Variants in CDH11 observed in about 807,000 individuals in gnomAD.
The protein encoded by CDH11 is cadherin-11.
A neutral mutation model predicts 67.8 loss-of-function variants in CDH11; 11 were observed. The ratio of observed to expected loss-of-function variants is 0.16; its 90% CI spans 0.10 to 0.27. The LOEUF is 0.27. Ranked by LOEUF, CDH11 falls within the 10% of genes least tolerant of loss-of-function variation. The pLI is 1.00. For synonymous variants in CDH11, 419 were observed against 400.0 expected, an observed-to-expected ratio of 1.05 and a Z score of -0.57; for missense variants, 847 against 1,031.2, an observed-to-expected ratio of 0.82 and a Z score of 2.45.
intron 2 of CDH11, among the ~76,000 whole-genome samples, chr16:65,026,174 C>T (rs1364880819): frequency 6.6e-6 from 1 of 152,092 alleles, no homozygotes; most frequent in Non-Finnish European, 1.5e-5. Context: ...ACTGAGTTAC[C>T]ATCTACTAAT....
At chr16:64,962,139 A>C in intron 11 of CDH11, among the ~76,000 whole-genome samples, 1 of 152,150 alleles carries the variant, frequency 6.6e-6, no homozygotes, top group Non-Finnish European at 1.5e-5. Context: ...GCTCTAGAAA[A>C]CCCAGGAAAA....
chr16:65,068,540 C>T (rs149201184), intron 1 of CDH11, among the ~76,000 whole-genome samples: 252 of 151,574 alleles, frequency 1.7e-3, no homozygotes, highest in African/African-American at 5.4e-3. Flanking sequence ...ATGATGCAAA[C>T]ACAGTTAATG....
intron 2 of CDH11, among the ~76,000 whole-genome samples, chr16:65,036,248 G>A (rs2073752053): frequency 6.6e-6 from 1 of 152,104 alleles, no homozygotes; most frequent in Admixed American, 6.5e-5. Flanking sequence ...CTTTAAGGTG[G>A]ACTGCATGAT....
chr16:65,116,778 G>A (rs781429576), intron 1 of CDH11, among the ~76,000 whole-genome samples: 3 of 152,006 alleles, frequency 2.0e-5, no homozygotes, highest in African/African-American at 7.2e-5. Flanking sequence ...AGAGAGGTAC[G>A]AAGATCAGAA....
chr16:65,051,020 T>C (rs568018653), intron 2 of CDH11, among the ~76,000 whole-genome samples: 1 of 152,252 alleles, frequency 6.6e-6, no homozygotes, highest in Admixed American at 6.5e-5. Flanking sequence ...CACAGACATA[T>C]CCACAGGAGG....
At chr16:65,055,392 T>G (rs1391639857) in intron 1 of CDH11, among the ~76,000 whole-genome samples, 1 of 152,206 alleles carries the variant, frequency 6.6e-6, no homozygotes, top group East Asian at 1.9e-4. Flanking sequence ...AAAATTACTC[T>G]TGAGCCTTAA....
At chr16:64,973,113 G>A (rs1267451854) in intron 8 of CDH11, 73 bp from the exon 9 acceptor site, 25 of 1,389,394 alleles carry the variant, frequency 1.8e-5, no homozygotes, top group Non-Finnish European at 2.5e-5. Context: ...TTTTCTCCAT[G>A]CTATATTTAA....
intron 2 of CDH11, among the ~76,000 whole-genome samples, chr16:65,008,049 CT>C (rs1282459790): frequency 6.6e-6 from 1 of 152,196 alleles, no homozygotes; most frequent in Non-Finnish European, 1.5e-5. Flanking sequence ...ATAAATTATT[CT>C]TGCATATAAG....
At chr16:64,978,016 C>T (rs768069369) in intron 8 of CDH11, among the ~76,000 whole-genome samples, 11 of 152,094 alleles carry the variant, frequency 7.2e-5, no homozygotes, top group African/African-American at 1.2e-4. Flanking sequence ...TTCCATTGTC[C>T]GTGTAATTTC....
At chr16:65,008,477 T>C (rs1484252346) in intron 2 of CDH11, among the ~76,000 whole-genome samples, 6 of 152,248 alleles carry the variant, frequency 3.9e-5, no homozygotes, top group African/African-American at 1.4e-4. Flanking sequence ...TGAAAATTTA[T>C]GTAGCAAGTT....
intron 1 of CDH11, among the ~76,000 whole-genome samples, chr16:65,109,743 G>A (rs929024402): frequency 1.3e-5 from 2 of 152,110 alleles, no homozygotes; most frequent in African/African-American, 4.8e-5. Context: ...CCATCCACAT[G>A]CCAAGCTATT....
chr16:65,034,078 A>G (rs772460245), intron 2 of CDH11, among the ~76,000 whole-genome samples: 4 of 152,206 alleles, frequency 2.6e-5, no homozygotes, highest in Admixed American at 6.5e-5. Flanking sequence ...TAAATCTGAC[A>G]TTATTTGGAA....
At chr16:65,109,753 T>G (rs2075125395) in intron 1 of CDH11, among the ~76,000 whole-genome samples, 1 of 152,230 alleles carries the variant, frequency 6.6e-6, no homozygotes, top group Non-Finnish European at 1.5e-5. Context: ...GCCAAGCTAT[T>G]ATGCTGCCTG....
chr16:65,013,535 G>A lies in CDH11; in HGVS notation c.-172-8494C>T, dbSNP rs534878725. On this transcript the variant is annotated intron_variant, in intron 2 of 12. Coordinates refer to ENST00000268603, the MANE Select transcript of CDH11 (RefSeq NM_001797.4). Reference sequence around the variant, plus strand: ...CTCCACACTGCCCTGTTAAAAATGGGAAAAACCCAGCCGGGCGCAGTGGCT... The same window carrying A: ...CTCCACACTGCCCTGTTAAAAATGGAAAAAACCCAGCCGGGCGCAGTGGCT... Among the ~76,000 whole-genome samples the A allele has an allele frequency of 2.0e-5, 3 of 152,162 alleles. No homozygotes were observed. In the South Asian group the frequency reaches 6.2e-4, roughly 32 times the overall value.
In CDH11 at chr16:65,015,750, A is replaced by G. The variant is rs79408061; in HGVS notation, c.-172-10709T>C. 2.4e-3 allele frequency among the ~76,000 whole-genome samples: 360 copies of G among 152,288 alleles called. 1 individual carries two copies. The highest frequency in any genetic ancestry group is 8.3e-3 in the African/African-American group (345 of 41,556). ...CCCTGGAATCTAATGTCCTGCAGAG[A>G]ACCACTCCCCATAGTCTGTTTTGTA... is the stretch of plus-strand genomic sequence containing the variant. On this transcript the variant is annotated intron_variant, in intron 2 of 12. Coordinates refer to ENST00000268603, the MANE Select transcript of CDH11 (RefSeq NM_001797.4).
intron 8 of CDH11, among the ~76,000 whole-genome samples, chr16:64,976,544 T>C (rs993401467): frequency 6.6e-6 from 1 of 152,122 alleles, no homozygotes; most frequent in Non-Finnish European, 1.5e-5. Flanking sequence ...GAAGGGAAGA[T>C]AAAAGACCCA....
intron 1 of CDH11, among the ~76,000 whole-genome samples, chr16:65,081,638 T>C (rs372219034): frequency 1.1e-3 from 160 of 152,070 alleles, no homozygotes; most frequent in African/African-American, 3.6e-3. Context: ...TTTGGTTGTC[T>C]ATCAAAGTAT....
intron 1 of CDH11, among the ~76,000 whole-genome samples, chr16:65,073,540 T>C (rs1273090066): frequency 3.3e-5 from 5 of 152,208 alleles, no homozygotes. Flanking sequence ...CCTTGGCCTC[T>C]CGAAGTGCTG....
At chr16:65,005,200 G>C (rs972775721) in intron 2 of CDH11, among the ~76,000 whole-genome samples, 159 bp from the exon 3 acceptor site, 3 of 152,210 alleles carry the variant, frequency 2.0e-5, no homozygotes, top group Non-Finnish European at 4.4e-5. Flanking sequence ...GCTCATTTAT[G>C]AAGTGGGGAT....
Sources: allele counts gnomAD v4.1 joint callset (sites outside exome capture counted in the v4.1 genomes callset), GRCh38; gene constraint gnomAD v4.1.1; transcripts MANE v1.5; gene names NCBI Gene and HGNC (gene_info 2026-07-23, HGNC 2026-07-21).